Variants in CALD1 observed in about 807,000 individuals in gnomAD.
CALD1 encodes the protein caldesmon.
CALD1 carries 33 observed loss-of-function variants against 99.9 expected under a neutral mutation model. The observed-to-expected ratio is 0.33, with a 90% CI of 0.25 to 0.44. The LOEUF is 0.44. Among genes scored for constraint, CALD1 ranks in the 20% least tolerant of loss-of-function variants. The pLI is 1.00. For missense variants in CALD1, 861 were observed against 962.1 expected (o/e 0.89, Z 1.39); for synonymous variants, 310 against 325.0 (o/e 0.95, Z 0.50).
chr7:134,766,444 C>T (rs1302894271), intron 1 of CALD1, among the ~76,000 whole-genome samples: 1 of 152,116 alleles, frequency 6.6e-6, no homozygotes, highest in Non-Finnish European at 1.5e-5. Context: ...CCGCACCCGG[C>T]CTCCTCTTTT....
chr7:134,823,780 T>A (rs1036661107), intron 1 of CALD1, among the ~76,000 whole-genome samples: 6 of 152,232 alleles, frequency 3.9e-5, no homozygotes, highest in African/African-American at 1.4e-4. Context: ...AAACATACAA[T>A]TCAATCCTTT....
intron 3 of CALD1, among the ~76,000 whole-genome samples, chr7:134,901,757 A>G (rs1378515923): frequency 1.3e-5 from 2 of 151,878 alleles, no homozygotes; most frequent in Non-Finnish European, 2.9e-5. Context: ...GGCTTAGGCC[A>G]TCGTAACTCC....
intron 1 of CALD1, among the ~76,000 whole-genome samples, chr7:134,758,503 T>G (rs113666582): frequency 6.8e-3 from 484 of 71,494 alleles, no homozygotes; most frequent in Non-Finnish European, 0.011. Context: ...CCCATTGGGG[T>G]GTGTGTGTGT....
At chr7:134,796,165 CAGA>C (rs1181368128) in intron 1 of CALD1, among the ~76,000 whole-genome samples, 2 of 152,116 alleles carry the variant, frequency 1.3e-5, no homozygotes, top group Non-Finnish European at 2.9e-5. Flanking sequence ...CCCTAGACTC[CAGA>C]TAGTGGTCTA....
chr7:134,819,118 A>T (rs1445960677), intron 1 of CALD1, among the ~76,000 whole-genome samples: 1 of 152,158 alleles, frequency 6.6e-6, no homozygotes, highest in Admixed American at 6.6e-5. Context: ...TGACTAGATG[A>T]AGTAAGAACC....
rs903397766 is a variant in CALD1 at position 134,970,702 on chromosome 7, T to G, written c.*2357T>G. 6.6e-6 allele frequency: 1 copy of G among 152,412 alleles called. No homozygotes were observed. Among genetic ancestry groups the G allele is most frequent in the Non-Finnish European group, 1.5e-5 (1 of 68,044 alleles). The allele number at this position is 152,412 out of a possible 1,614,324, so 9.4% of individuals were successfully genotyped here. On this transcript the variant is annotated 3_prime_UTR_variant, in exon 15 of 15. Coordinates refer to ENST00000361675, the MANE Select transcript of CALD1 (RefSeq NM_033138.4). ...ATAGTGAGAGGTATGTCTATTATAA[T>G]AAAGATTATGGCACAGTAAAACCTG...
intron 7 of CALD1, 89 bp downstream of exon 7, chr7:134,941,326 C>T (rs1428010473): frequency 9.6e-7 from 1 of 1,040,684 alleles, no homozygotes; most frequent in African/African-American, 1.6e-5. Context: ...TGCTTCCAGA[C>T]AGAAACGTGC....
At chr7:134,814,413 C>T (rs1381805098) in intron 1 of CALD1, among the ~76,000 whole-genome samples, 1 of 152,094 alleles carries the variant, frequency 6.6e-6, no homozygotes, top group Admixed American at 6.6e-5. Flanking sequence ...AGCTGGAAGT[C>T]CTGGGGGTCT....
intron 1 of CALD1, among the ~76,000 whole-genome samples, chr7:134,802,620 C>T (rs949003434): frequency 3.9e-5 from 6 of 152,222 alleles, no homozygotes; most frequent in South Asian, 4.1e-4. Context: ...ACCTAACCTA[C>T]TGAAACATCA....
chr7:134,899,177 A>G (rs989703955), intron 3 of CALD1, among the ~76,000 whole-genome samples: 1 of 150,376 alleles, frequency 6.6e-6, no homozygotes. Context: ...TCACACAGAC[A>G]TTGGTTAGAA....
chr7:134,879,452 T>G (rs1293251030), intron 3 of CALD1, among the ~76,000 whole-genome samples: 1 of 152,252 alleles, frequency 6.6e-6, no homozygotes. Flanking sequence ...AATCATTTAT[T>G]CAGGAACATT....
intron 14 of CALD1, 177 bp downstream of exon 14, chr7:134,965,563 G>T: frequency 3.9e-6 from 2 of 519,388 alleles, no homozygotes; most frequent in South Asian, 4.7e-5. Context: ...TTGCAAGTTT[G>T]TCAGTCATAC....
chr7:134,801,463 T>C (rs1248856210), intron 1 of CALD1, among the ~76,000 whole-genome samples: 1 of 152,206 alleles, frequency 6.6e-6, no homozygotes, highest in African/African-American at 2.4e-5. Flanking sequence ...CTTTAGTAGT[T>C]CCTTTAGAGA....
chr7:134,937,895 C>T (rs998967326), intron 6 of CALD1, among the ~76,000 whole-genome samples: 10 of 152,206 alleles, frequency 6.6e-5, no homozygotes, highest in Admixed American at 6.5e-4. Context: ...CTCTCCTCTC[C>T]AATCATAAAA....
intron 2 of CALD1, among the ~76,000 whole-genome samples, chr7:134,851,726 G>T (rs1800091170): frequency 6.6e-6 from 1 of 152,104 alleles, no homozygotes; most frequent in Non-Finnish European, 1.5e-5. Context: ...GGAGAGAAAA[G>T]AGCTCTTTGG....
intron 1 of CALD1, among the ~76,000 whole-genome samples, chr7:134,785,272 GGTAACTGAAAGGATA>G (rs745837759): frequency 2.0e-5 from 3 of 152,140 alleles, no homozygotes; most frequent in Non-Finnish European, 4.4e-5. Context: ...TTGCACCACT[GGTAACTGAAAGGATA>G]AGAATCATCC....
At chr7:134,832,469 A>G (rs1173364896) in intron 1 of CALD1, among the ~76,000 whole-genome samples, 1 of 152,204 alleles carries the variant, frequency 6.6e-6, no homozygotes, top group East Asian at 1.9e-4. Context: ...AGTCTGGAAA[A>G]CCAGCAATGA....
chr7:134,959,025 T>C (rs971138057), intron 11 of CALD1, among the ~76,000 whole-genome samples: 2 of 150,992 alleles, frequency 1.3e-5, no homozygotes, highest in East Asian at 3.9e-4. Context: ...GCCCCCCAAT[T>C]GTGTGCCATG....
chr7:134,738,982 T>C, the CALD1 span, among the ~76,000 whole-genome samples: 2 of 152,220 alleles, frequency 1.3e-5, no homozygotes, highest in African/African-American at 4.8e-5. Context: ...TTTTTATTTA[T>C]TTTAGGATTC....
Sources: gnomAD v4.1 joint callset for allele counts (sites outside exome capture counted in the v4.1 genomes callset) on GRCh38, gnomAD v4.1.1 for gene constraint, MANE v1.5 for transcripts, NCBI Gene and HGNC (gene_info 2026-07-23, HGNC 2026-07-21) for gene names.